Variants in METTL24 observed in about 807,000 individuals in gnomAD.
The protein encoded by METTL24 is probable methyltransferase-like protein 24.
Under a neutral mutation model 32.7 loss-of-function variants are expected in METTL24, and 29 were observed. The ratio of observed to expected loss-of-function variants is 0.89; its 90% confidence interval spans 0.66 to 1.21. The LOEUF is 1.21. Ranked by LOEUF, METTL24 falls within the 50% of genes most tolerant of loss-of-function variation. The probability of loss-of-function intolerance (pLI) is 0.00; values close to 1 mark genes in which losing one functional copy is unlikely to be tolerated. For missense variants in METTL24, 439 were observed against 468.1 expected, an observed-to-expected ratio of 0.94 and a Z score of 0.57; for synonymous variants, 163 against 179.5, an observed-to-expected ratio of 0.91 and a Z score of 0.73.
chr6:110,308,792 T>C (rs1284666552), intron 3 of METTL24, among the ~76,000 whole-genome samples: 4 of 152,236 alleles, frequency 2.6e-5, no homozygotes, highest in Non-Finnish European at 4.4e-5. Flanking sequence ...TACTGATACA[T>C]GCTGCAATGT....
chr6:110,287,723 T>C (rs2114722608), intron 4 of METTL24, among the ~76,000 whole-genome samples: 1 of 152,274 alleles, frequency 6.6e-6, no homozygotes, highest in East Asian at 1.9e-4. Flanking sequence ...GTACGTTTTG[T>C]TTAGCAAGGT....
At chr6:110,324,900 G>A (rs1226258680) in intron 1 of METTL24, among the ~76,000 whole-genome samples, 2 of 152,224 alleles carry the variant, frequency 1.3e-5, no homozygotes, top group Admixed American at 1.3e-4. Flanking sequence ...CTCCCAAGAG[G>A]CACTCATGGT....
rs573309556 is a variant in METTL24, at chr6:110,349,433, AC to A, written c.318+8521del. On this transcript the variant is annotated intron_variant, in intron 1 of 4. Coordinates refer to ENST00000338882, the MANE Select transcript of METTL24 (RefSeq NM_001123364.3). ...AGATGCAGTGACAGCACAGAGCAGC[AC>A]CCCACACCCGCAACAGATATCTGGC... is the stretch of plus-strand genomic sequence containing the variant. Among the ~76,000 whole-genome samples the A allele has an allele frequency of 3.3e-3, 506 of 152,286 alleles. 3 individuals are homozygous for A. Among genetic ancestry groups the A allele is most frequent in the African/African-American group, 0.012 (481 of 41,556 alleles).
At chr6:110,323,580 C>A (rs531783012) in intron 1 of METTL24, among the ~76,000 whole-genome samples, 27 of 152,214 alleles carry the variant, frequency 1.8e-4, no homozygotes, top group African/African-American at 5.8e-4. Context: ...TGGGGGAATG[C>A]AATGGTCTGG....
chr6:110,276,460 C>T (rs1426619868), intron 4 of METTL24, among the ~76,000 whole-genome samples: 1 of 152,008 alleles, frequency 6.6e-6, no homozygotes, highest in East Asian at 1.9e-4. Context: ...TAAAAACAAA[C>T]AAACAAAAAA....
rs374075951 is a variant in METTL24, at chr6:110,246,245, C to T, written c.802G>A (p.Ala268Thr). The change falls in exon 5 of 5, where the codon GCA (alanine) becomes ACA (threonine). Residue 268 changes from alanine to threonine, a missense_variant. By Grantham distance (58) the Ala-to-Thr change is moderately conservative (BLOSUM62 0). Coordinates refer to ENST00000338882, the MANE Select transcript of METTL24 (RefSeq NM_001123364.3). ...TTCCATTCTGCACTTTCCAGATCTGCCTTGAGAACGTCAATCTGTAACAAA... is the reference window on the plus strand; with the variant it reads ...TTCCATTCTGCACTTTCCAGATCTGTCTTGAGAACGTCAATCTGTAACAAA... Reference protein sequence around the residue: ...FGHHKIDVLKADLESAEWKVL... With the variant: ...FGHHKIDVLKTDLESAEWKVL... 30 of 1,607,338 alleles carry T rather than the reference C, an allele frequency of 1.9e-5. No homozygotes were observed. The African/African-American group carries it at 3.9e-4, about 21-fold the overall frequency.
chr6:110,259,597 C>G (rs1026035264), intron 4 of METTL24, among the ~76,000 whole-genome samples: 3 of 152,230 alleles, frequency 2.0e-5, no homozygotes, highest in African/African-American at 7.2e-5. Context: ...ATGTCTCTGT[C>G]TGACAGCTTT....
At chr6:110,285,155 A>G (rs919528520) in intron 4 of METTL24, among the ~76,000 whole-genome samples, 16 of 152,246 alleles carry the variant, frequency 1.1e-4, no homozygotes, top group African/African-American at 3.9e-4. Flanking sequence ...TCTTAAAATA[A>G]AACTGGGAAC....
intron 4 of METTL24, among the ~76,000 whole-genome samples, chr6:110,266,249 TC>T (rs1770856368): frequency 6.6e-6 from 1 of 152,150 alleles, no homozygotes; most frequent in Non-Finnish European, 1.5e-5. Context: ...TTACTTTTTT[TC>T]ACATGCAACT....
intron 4 of METTL24, among the ~76,000 whole-genome samples, chr6:110,265,193 GAAAGAAA>G (rs1187053528): frequency 2.8e-5 from 3 of 108,780 alleles, no homozygotes; most frequent in Admixed American, 1.9e-4. Flanking sequence ...AAGAAAGAAA[GAAAGAAA>G]GTTAATATCC....
chr6:110,291,218 A>T (rs75527775), intron 4 of METTL24, among the ~76,000 whole-genome samples: 17,349 of 152,078 alleles, frequency 0.11, 2,087 homozygotes, highest in African/African-American at 0.31. Flanking sequence ...TCTTTTTAAA[A>T]TTTTTTTATG....
intron 1 of METTL24, among the ~76,000 whole-genome samples, chr6:110,336,738 C>CAAAAAAAAAAAAA (rs57378153): frequency 7.6e-6 from 1 of 131,408 alleles, no homozygotes. Context: ...GACTCCGCCT[C>CAAAAAAAAAAAAA]AAAAAAAAAA....
At chr6:110,296,327 A>C (rs186879063) in intron 4 of METTL24, among the ~76,000 whole-genome samples, 15 of 152,326 alleles carry the variant, frequency 9.8e-5, no homozygotes, top group Non-Finnish European at 1.8e-4. Context: ...ATTCTGAAAA[A>C]ACTGTATGCT....
intron 4 of METTL24, among the ~76,000 whole-genome samples, chr6:110,251,564 C>A (rs897598290): frequency 1.8e-4 from 28 of 152,206 alleles, no homozygotes; most frequent in African/African-American, 6.7e-4. Context: ...GTTTGCACCA[C>A]CATAACAAAA....
chr6:110,341,106 T>G (rs1772348175), intron 1 of METTL24, among the ~76,000 whole-genome samples: 1 of 152,224 alleles, frequency 6.6e-6, no homozygotes, highest in Non-Finnish European at 1.5e-5. Flanking sequence ...TTATTTTAAT[T>G]GTCAGCATCA....
chr6:110,348,438 C>G (rs915013486), intron 1 of METTL24, among the ~76,000 whole-genome samples: 5 of 152,214 alleles, frequency 3.3e-5, no homozygotes, highest in African/African-American at 1.2e-4. Flanking sequence ...ACTGACTTCT[C>G]CCATACGCTA....
In METTL24 at chr6:110,336,160, G is replaced by C. The variant is rs1012485533; in HGVS notation, c.319-13288C>G. ...TAAATCCTTAGTGAGTTAGAAAGGAGGATTACAATGTGTCACGGGAAAGGA... is the reference window on the plus strand; with the variant it reads ...TAAATCCTTAGTGAGTTAGAAAGGACGATTACAATGTGTCACGGGAAAGGA... On this transcript the variant is annotated intron_variant, in intron 1 of 4. Transcript: ENST00000338882. Among the ~76,000 whole-genome samples the C allele has an allele frequency of 2.0e-5, 3 of 152,180 alleles. No homozygotes were observed. The South Asian group carries it at 6.2e-4, about 32-fold the overall frequency.
chr6:110,295,794 A>AAAAGAAAGG (rs1771403233), intron 4 of METTL24, among the ~76,000 whole-genome samples: 3 of 136,244 alleles, frequency 2.2e-5, no homozygotes, highest in African/African-American at 9.0e-5. Context: ...AGAAAGAAAG[A>AAAAGAAAGG]AAGGAAGGAA....
In METTL24 at chr6:110,358,297, G is replaced by A. The variant is rs1401067144; in HGVS notation, c.-25C>T. ...TGGCGCTACACTCGGGGTCCCGCGGGCCGCGCCTGGCCGGCAGCAGGGATG... is the reference window on the plus strand; with the variant it reads ...TGGCGCTACACTCGGGGTCCCGCGGACCGCGCCTGGCCGGCAGCAGGGATG... On this transcript the variant is annotated 5_prime_UTR_variant, in exon 1 of 5. Coordinates refer to ENST00000338882, the MANE Select transcript of METTL24 (RefSeq NM_001123364.3). 9.2e-6 allele frequency: 13 copies of A among 1,418,622 alleles called. No individual in the cohort carries two copies. The highest frequency in any genetic ancestry group is 2.9e-5 in the South Asian group (2 of 69,598). The allele number at this position is 1,418,622 out of a possible 1,614,324, so 87.9% of individuals were successfully genotyped here.
Sources: allele counts gnomAD v4.1 joint callset (sites outside exome capture counted in the v4.1 genomes callset), GRCh38; gene constraint gnomAD v4.1.1; transcripts MANE v1.5; gene names NCBI Gene and HGNC (gene_info 2026-07-23, HGNC 2026-07-21).